PRKCB: variants seen among roughly 807,000 people sequenced by gnomAD.
The protein encoded by PRKCB is protein kinase C beta type.
In PRKCB, 13 loss-of-function variants were observed where a neutral mutation model predicts 81.5. The ratio of observed to expected loss-of-function variants is 0.16; its 90% CI spans 0.10 to 0.25. The LOEUF is 0.25. Ranked by LOEUF, PRKCB falls within the 10% of genes least tolerant of loss-of-function variation. PRKCB has a pLI of 1.00. For missense variants in PRKCB, 509 were observed against 875.7 expected (o/e 0.58, Z 5.29); for synonymous variants, 335 against 321.4 (o/e 1.04, Z -0.45).
chr16:24,115,846 C>A (rs1470632194), intron 8 of PRKCB, among the ~76,000 whole-genome samples: 1 of 152,166 alleles, frequency 6.6e-6, no homozygotes, highest in Non-Finnish European at 1.5e-5. Context: ...CTGCCTCAGC[C>A]TCCCGAGTAG....
At chr16:24,079,182 T>A (rs1005413592) in intron 5 of PRKCB, among the ~76,000 whole-genome samples, 4 of 152,126 alleles carry the variant, frequency 2.6e-5, no homozygotes, top group African/African-American at 9.7e-5. Context: ...ATCCCAAACC[T>A]ATAAGAACTA....
chr16:24,050,602 A>G (rs1446095561), intron 5 of PRKCB, among the ~76,000 whole-genome samples: 1 of 152,032 alleles, frequency 6.6e-6, no homozygotes. Flanking sequence ...TGCTCACCAC[A>G]CACTCTGATA....
chr16:24,089,368 C>T (rs370438417), intron 5 of PRKCB, among the ~76,000 whole-genome samples: 11 of 152,214 alleles, frequency 7.2e-5, no homozygotes, highest in Non-Finnish European at 1.2e-4. Flanking sequence ...AAGAAGCTCT[C>T]CTGTGGAAGG....
intron 15 of PRKCB, among the ~76,000 whole-genome samples, chr16:24,186,002 A>G (rs938483395): frequency 6.6e-6 from 1 of 152,196 alleles, no homozygotes; most frequent in Non-Finnish European, 1.5e-5. Context: ...AAAAAATACC[A>G]CGCCGTGTTG....
At chr16:24,174,725 C>A in intron 12 of PRKCB, 145 bp downstream of exon 12, 1 of 731,750 alleles carries the variant, frequency 1.4e-6, no homozygotes, top group Non-Finnish European at 2.2e-6. Flanking sequence ...TTCTGCCAGG[C>A]AGCATCGCCC....
chr16:24,197,799 A>G (rs1207521850), intron 16 of PRKCB, among the ~76,000 whole-genome samples: 1 of 152,106 alleles, frequency 6.6e-6, no homozygotes, highest in East Asian at 1.9e-4. Context: ...TCATTGTCTC[A>G]TGGAGACATG....
At chr16:23,863,171 TGTATATATGTGTATACATACATAC>T (rs1245372791) in intron 2 of PRKCB, among the ~76,000 whole-genome samples, 6,460 of 79,300 alleles carry the variant, frequency 0.081, 857 homozygotes, top group African/African-American at 0.25. Flanking sequence ...TGCATATATA[TGTATATATGTGTATACATACATAC>T]GTATATATGT....
chr16:23,902,727 T>TACC (rs1222146174), intron 2 of PRKCB, among the ~76,000 whole-genome samples: 1 of 16,020 alleles, frequency 6.2e-5, no homozygotes, highest in Admixed American at 4.9e-4. Context: ...CCTCCCTCCC[T>TACC]TCCTCCCTTC....
At chr16:23,859,429 C>G (rs1292287868) in intron 2 of PRKCB, among the ~76,000 whole-genome samples, 2 of 152,204 alleles carry the variant, frequency 1.3e-5, no homozygotes, top group Non-Finnish European at 2.9e-5. Context: ...TAGTCAGCCG[C>G]CCTGTGATGG....
chr16:24,186,769 G>C (rs184456956), intron 15 of PRKCB, among the ~76,000 whole-genome samples: 1 of 152,340 alleles, frequency 6.6e-6, no homozygotes, highest in East Asian at 1.9e-4. Flanking sequence ...GCCTAAAAGC[G>C]CCTTGTCACA....
intron 13 of PRKCB, among the ~76,000 whole-genome samples, chr16:24,183,426 G>A (rs924917742): frequency 6.6e-5 from 10 of 152,102 alleles, no homozygotes; most frequent in African/African-American, 2.4e-4. Flanking sequence ...TACACGATAA[G>A]TCTCTTGAAT....
At position 23,836,159 on chromosome 16, in the gene PRKCB, G is replaced by T; in HGVS notation, c.-17G>T. 1 of 1,498,130 alleles carries T rather than the reference G, an allele frequency of 6.7e-7. No individual in the cohort carries two copies. Among genetic ancestry groups the T allele is most frequent in the Non-Finnish European group, 8.9e-7 (1 of 1,126,062 alleles). The allele number at this position is 1,498,130 out of a possible 1,614,324, so 92.8% of individuals were successfully genotyped here. A position where few individuals can be genotyped will look rare whatever the true frequency, so the allele number is the denominator to read the frequency against. ...CCGGGGCCGGCACCTCTCGGGCTCCGGCTCCCCGCGCGCAAGATGGCTGAC... is the reference window on the plus strand; with the variant it reads ...CCGGGGCCGGCACCTCTCGGGCTCCTGCTCCCCGCGCGCAAGATGGCTGAC... On this transcript the variant is annotated 5_prime_UTR_variant, in exon 1 of 17. Transcript: ENST00000643927.
chr16:24,096,923 A>C (rs922315462), intron 7 of PRKCB, among the ~76,000 whole-genome samples: 3 of 151,526 alleles, frequency 2.0e-5, no homozygotes, highest in African/African-American at 7.3e-5. Context: ...AATAAAAATC[A>C]AACTGGTTTA....
intron 2 of PRKCB, among the ~76,000 whole-genome samples, chr16:23,902,795 T>TCCCG: frequency 1.2e-5 from 1 of 86,468 alleles, no homozygotes; most frequent in Non-Finnish European, 2.1e-5. Context: ...CCTCCCTCCC[T>TCCCG]CCCTTCCTTC....
chr16:23,926,659 A>G (rs1351369083), intron 2 of PRKCB, among the ~76,000 whole-genome samples: 1 of 150,456 alleles, frequency 6.6e-6, no homozygotes, highest in Non-Finnish European at 1.5e-5. Context: ...ACACAATGAT[A>G]TGTATATTAA....
At chr16:24,093,023 C>A in intron 6 of PRKCB, 76 bp downstream of exon 6, 1 of 1,444,876 alleles carries the variant, frequency 6.9e-7, no homozygotes, top group Non-Finnish European at 9.3e-7. Context: ...GGAGTTCCTC[C>A]TCCCTTAGCT....
chr16:24,102,085 G>A (rs2141908478), intron 7 of PRKCB, among the ~76,000 whole-genome samples: 1 of 152,318 alleles, frequency 6.6e-6, no homozygotes, highest in South Asian at 2.1e-4. Context: ...TGGAAGGCTA[G>A]AGGGTAGACA....
At chr16:24,209,509 TCTC>T (rs1968104880) in intron 16 of PRKCB, among the ~76,000 whole-genome samples, 1 of 152,008 alleles carries the variant, frequency 6.6e-6, no homozygotes, top group South Asian at 2.1e-4. Context: ...TCAAATAGGA[TCTC>T]CTCCTCGTGT....
intron 5 of PRKCB, among the ~76,000 whole-genome samples, chr16:24,086,871 C>T (rs995115617): frequency 6.6e-6 from 1 of 151,826 alleles, no homozygotes; most frequent in Non-Finnish European, 1.5e-5. Flanking sequence ...TTTACTGTAC[C>T]TTTCTTTTAA....
Sources: gnomAD v4.1 joint callset for allele counts (sites outside exome capture counted in the v4.1 genomes callset) on GRCh38, gnomAD v4.1.1 for gene constraint, MANE v1.5 for transcripts, NCBI Gene and HGNC (gene_info 2026-07-23, HGNC 2026-07-21) for gene names.